The following INPPL1 variants were observed in gnomAD, a reference collection of about 807,000 sequenced individuals.
INPPL1 encodes phosphatidylinositol 3,4,5-trisphosphate 5-phosphatase 2.
INPPL1 carries 91 observed loss-of-function variants against 139.3 expected under a neutral mutation model. The observed-to-expected ratio is 0.65, with a 90% confidence interval of 0.55 to 0.78. The LOEUF (loss-of-function observed/expected upper bound fraction) is 0.78. Ranked by LOEUF, INPPL1 falls within the 30% of genes least tolerant of loss-of-function variation. The probability of loss-of-function intolerance (pLI) is 0.00; values close to 1 mark genes in which losing one functional copy is unlikely to be tolerated. For missense variants in INPPL1, 1,411 were observed against 1,665.6 expected (o/e 0.85, Z 2.66); for synonymous variants, 719 against 686.6 (o/e 1.05, Z -0.74).
intron 10 of INPPL1, 116 bp downstream of exon 10, chr11:72,230,584 G>GACCTACCCCTGCCAGGA: frequency 9.3e-7 from 1 of 1,072,248 alleles, no homozygotes; most frequent in Non-Finnish European, 1.4e-6. Context: ...CCTCCTGGCA[G>GACCTACCCCTGCCAGGA]GGGTAGGTCT....
rs747210031 is a variant in INPPL1 at position 72,237,316 on chromosome 11, A to T, written c.3072A>T (p.Pro1024=). 6.2e-7 allele frequency: 1 copy of T among 1,613,738 alleles called. No individual in the cohort carries two copies. The highest frequency in any genetic ancestry group is 1.1e-5 in the South Asian group (1 of 91,056). Residue 1024 remains proline (P), a synonymous_variant, in exon 26 of 28, where the codon CCA becomes CCT. Transcript: ENST00000298229. ...KNKVAITVPA[P]QLGHHRHPRV... is the part of the protein sequence containing the mutation. Reference sequence around the variant, plus strand: ...AAGTGGCCATTACAGTGCCTGCTCCACAGCTTGGGCACCACCGGCACCCTC... The same window carrying T: ...AAGTGGCCATTACAGTGCCTGCTCCTCAGCTTGGGCACCACCGGCACCCTC...
Position 72,224,837 on chromosome 11 carries a change from C to A in INPPL1, c.-148C>A. On this transcript the variant is annotated 5_prime_UTR_variant, in exon 1 of 28. Coordinates refer to ENST00000298229, the MANE Select transcript of INPPL1 (RefSeq NM_001567.4). ...GCGGTGAACGAGGCGGCCTGCGCGG[C>A]GGAGTGCTGAGTCCCGATCCCCGGC... 1 of 373,490 alleles carries A rather than the reference C, an allele frequency of 2.7e-6. No individual in the cohort carries two copies. The highest frequency in any genetic ancestry group is 3.8e-6 in the Non-Finnish European group (1 of 263,654). The allele number at this position is 373,490 out of a possible 1,614,324, so 23.1% of individuals were successfully genotyped here. A position where few individuals can be genotyped will look rare whatever the true frequency, so the allele number is the denominator to read the frequency against.
At chr11:72,233,845 G>A in intron 19 of INPPL1, 101 bp downstream of exon 19, 2 of 911,644 alleles carry the variant, frequency 2.2e-6, no homozygotes, top group Non-Finnish European at 3.6e-6. Flanking sequence ...TGTGTGTGTG[G>A]GTGTGTGTAC....
In INPPL1 at chr11:72,232,337, G is replaced by GTGC; in HGVS notation, c.1712+3_1712+4insCTG. 1 of 1,551,212 alleles carries GTGC rather than the reference G, an allele frequency of 6.4e-7. No homozygotes were observed. Among genetic ancestry groups the GTGC allele is most frequent in the Non-Finnish European group, 8.7e-7 (1 of 1,146,566 alleles). ...CCTCGGGAAATGAGAAGACGGCTCG[G>GTGC]TGAGGGGGCGCCTTTCCCATGGTCT... On this transcript the variant is annotated splice_donor_variant, in intron 14 of 27. Coordinates refer to ENST00000298229, the MANE Select transcript of INPPL1 (RefSeq NM_001567.4). LOFTEE classifies it high-confidence loss of function.
chr11:72,230,284 C>T lies in INPPL1; in HGVS notation c.1090+13C>T, dbSNP rs2135427129. 6.2e-7 allele frequency: 1 copy of T among 1,609,296 alleles called. No homozygotes were observed. Among genetic ancestry groups the T allele is most frequent in the East Asian group, 2.2e-5 (1 of 44,792 alleles). ...ACGCACGACCGCAGTGAGCCAGGGC[C>T]AGACCTGGGAGGGGTGGGCAGGGCG... On this transcript the variant is annotated intron_variant, in intron 9 of 27. Transcript: ENST00000298229.
Position 72,235,090 on chromosome 11 carries a change from C to T in INPPL1, c.2416-26C>T, listed in dbSNP as rs778946056. On this transcript the variant is annotated intron_variant, in intron 21 of 27. Transcript: ENST00000298229. This position sits in a 1 kb window ranked among gnomAD's most constrained non-coding sequence, Gnocchi z 4.9. ...CAGGAGGAAGTGGCGGGGCTTTGTT[C>T]CTCACTGGGCCTCCCTGCTTCCCAG... 3 of 1,590,190 alleles carry T rather than the reference C, an allele frequency of 1.9e-6. No homozygotes were observed. Among genetic ancestry groups the T allele is most frequent in the South Asian group, 1.1e-5 (1 of 88,684 alleles).
Position 72,238,103 on chromosome 11 carries a change from TGC to T in INPPL1, c.3616_3617del (p.Arg1206GlyfsTer8). The T allele has an allele frequency of 1.3e-6, 2 of 1,583,820 alleles. No individual in the cohort carries two copies. The highest frequency in any genetic ancestry group is 1.7e-6 in the Non-Finnish European group (2 of 1,164,562). ...GGCGAGGCAGGCATGAGTGCCTGGCTGCGGGCCATCGGCTTGGAGCGCTATGA... is the reference window on the plus strand; with the variant it reads ...GGCGAGGCAGGCATGAGTGCCTGGCTGGGCCATCGGCTTGGAGCGCTATGA... On this transcript the variant is annotated frameshift_variant, in exon 27 of 28. Coordinates refer to ENST00000298229, the MANE Select transcript of INPPL1 (RefSeq NM_001567.4). LOFTEE classifies it high-confidence loss of function.
Position 72,228,874 on chromosome 11 carries a change from C to A in INPPL1, c.518+27C>A. The A allele has an allele frequency of 6.4e-7, 1 of 1,556,464 alleles. No individual in the cohort carries two copies. The highest frequency in any genetic ancestry group is 2.2e-5 in the East Asian group (1 of 44,556). On this transcript the variant is annotated intron_variant, in intron 4 of 27. Coordinates refer to ENST00000298229, the MANE Select transcript of INPPL1 (RefSeq NM_001567.4). The surrounding 1 kb of genome is among the most constrained non-coding windows in gnomAD (Gnocchi z 5.0). ...TGAGACCCCCATCCCATCCACTGAA[C>A]AGGAGACCCTTTCTCCTCTGAGAAC...
chr11:72,230,504 C>CG (rs1948802561), intron 10 of INPPL1, 36 bp downstream of exon 10: 2 of 1,586,638 alleles, frequency 1.3e-6, no homozygotes, highest in Non-Finnish European at 1.7e-6. Context: ...CTGGGGACTG[C>CG]GGGGGTCCCC....
At position 72,231,027 on chromosome 11, in the gene INPPL1, G is replaced by C; in HGVS notation, c.1335G>C (p.Trp445Cys). ...CACCTCCAAAAAACGTGACATCCTG[G>C]TTCACATCGAAGGGTCTGGGGAAGA... The part of the protein sequence containing the change: ...SVPPPKNVTS[W>C]FTSKGLGKTL... The change falls in exon 12 of 28, where the codon TGG (tryptophan) becomes TGC (cysteine). Residue 445 changes from tryptophan to cysteine, a missense_variant. Transcript: ENST00000298229. 6.2e-7 allele frequency: 1 copy of C among 1,613,994 alleles called. No individual in the cohort carries two copies. Among genetic ancestry groups the C allele is most frequent in the Non-Finnish European group, 8.5e-7 (1 of 1,179,968 alleles).
At chr11:72,233,225 G>C in intron 17 of INPPL1, 62 bp downstream of exon 17, 1 of 1,475,532 alleles carries the variant, frequency 6.8e-7, no homozygotes, top group South Asian at 1.2e-5. Context: ...TCAAGAATTT[G>C]GGTCAAGGGT....
intron 1 of INPPL1, chr11:72,225,405 C>T (rs1948642631): frequency 4.1e-6 from 4 of 985,266 alleles, no homozygotes; most frequent in African/African-American, 1.7e-5. Context: ...GGTTCTGTGG[C>T]CCAGTGTGAC....
chr11:72,230,439 C>G lies in INPPL1; in HGVS notation c.1168C>G (p.Arg390Gly). The change falls in exon 10 of 28, where the codon CGC becomes GGC. Residue 390 changes from arginine (R) to glycine (G), a missense_variant. Physicochemically the swap from Arg to Gly is moderately radical, Grantham distance 125 (BLOSUM62 -2). This residue lies in a region of INPPL1 where 504 missense variants were observed against 595.6 expected (regional missense o/e 0.85). Transcript: ENST00000298229. ...VFEKEKDRTQ[R>G]KDFIFVSARK... ...TGAGAAGGAGAAGGACCGGACTCAG[C>G]GCAAGGACTTCATCTTTGTCAGTGC... is the stretch of plus-strand genomic sequence containing the variant. 6.2e-7 allele frequency: 1 copy of G among 1,613,994 alleles called. No homozygotes were observed.
chr11:72,233,504 A>G lies in INPPL1; in HGVS notation c.2104A>G (p.Ile702Val), dbSNP rs1948894581. The G allele has an allele frequency of 5.6e-6, 9 of 1,614,002 alleles. No individual in the cohort carries two copies. Among genetic ancestry groups the G allele is most frequent in the Non-Finnish European group, 7.6e-6 (9 of 1,179,996 alleles). ...GTGGAAATCCTACCCTGAAACTCAC[A>G]TCATCTGCAATTCTTATGGTCAGAG... Reference protein sequence around the residue: ...ILWKSYPETHIICNSYGCTDD... With the variant: ...ILWKSYPETHVICNSYGCTDD... Residue 702 changes from isoleucine to valine, a missense_variant, in exon 18 of 28, where the codon ATC becomes GTC. Physicochemically the swap from Ile to Val is conservative, Grantham distance 29. Around this residue, in one of 5 missense-constraint regions of INPPL1, gnomAD observed 363 missense variants for 446.2 expected, o/e 0.81. Transcript: ENST00000298229.
rs368570127 is a variant in INPPL1, at chr11:72,237,437, C to T, written c.3193C>T (p.Leu1065=). The part of the protein sequence containing the change: ...PPPLPDSAIF[L]PPSLDPLPGP... Reference sequence around the variant, plus strand: ...ACCACTGCCGGACTCAGCCATCTTCCTGCCCCCCAGCCTGGATCCTTTACC... The same window carrying T: ...ACCACTGCCGGACTCAGCCATCTTCTTGCCCCCCAGCCTGGATCCTTTACC... The change falls in exon 26 of 28, where the codon CTG becomes TTG. Residue 1065 remains leucine, a synonymous_variant. Transcript: ENST00000298229. The T allele has an allele frequency of 1.4e-5, 23 of 1,610,858 alleles. No individual in the cohort carries two copies. In the African/African-American group the frequency reaches 2.0e-4, roughly 14 times the overall value.
Position 72,238,979 on chromosome 11 carries a change from A to C in INPPL1, c.*626A>C, listed in dbSNP as rs543154415. ...CTGTGCTGCCCTGCTCTGGGGATGC[A>C]CGGCGGCAGGGTGGGGGAGGGAGGT... On this transcript the variant is annotated 3_prime_UTR_variant, in exon 28 of 28. Transcript: ENST00000298229. The C allele has an allele frequency of 6.6e-6, 1 of 152,468 alleles. No individual in the cohort carries two copies. Among genetic ancestry groups the C allele is most frequent in the South Asian group, 2.1e-4 (1 of 4,822 alleles). 9.4% of individuals were successfully genotyped at this position (152,468 alleles called of 1,614,324 possible).
At position 72,237,713 on chromosome 11, in the gene INPPL1, G is replaced by A. The variant is rs765593407; in HGVS notation, c.3469G>A (p.Gly1157Arg). 9.3e-6 allele frequency: 15 copies of A among 1,611,716 alleles called. No homozygotes were observed. The highest frequency in any genetic ancestry group is 1.7e-5 in the Admixed American group (1 of 59,832). Residue 1157 changes from glycine to arginine, a missense_variant, in exon 26 of 28, where the codon GGA (glycine) becomes AGA (arginine). By Grantham distance (125) the Gly-to-Arg change is moderately radical. Around this residue, in one of 5 missense-constraint regions of INPPL1, gnomAD observed 438 missense variants for 425.7 expected, o/e 1.03. Coordinates refer to ENST00000298229, the MANE Select transcript of INPPL1 (RefSeq NM_001567.4). ...PGPLELQPPRGLPSDYGRPLS... is the reference protein window; with the variant it reads ...PGPLELQPPRRLPSDYGRPLS... Reference sequence around the variant, plus strand: ...CCCCCTGGAGCTGCAGCCCCCCCGGGGACTGCCCTCGGACTATGGCCGGCC... The same window carrying A: ...CCCCCTGGAGCTGCAGCCCCCCCGGAGACTGCCCTCGGACTATGGCCGGCC...
Position 72,231,488 on chromosome 11 carries a change from C to T in INPPL1, c.1498-10C>T. ...AGCAGGGCAGTGGTGACCATGCACT[C>T]TCTACCCAGATTGCCATGCAATCAC... On this transcript the variant is annotated splice_polypyrimidine_tract_variant and intron_variant, in intron 12 of 27. Transcript: ENST00000298229. 1 of 1,603,614 alleles carries T rather than the reference C, an allele frequency of 6.2e-7. No individual in the cohort carries two copies. The highest frequency in any genetic ancestry group is 8.5e-7 in the Non-Finnish European group (1 of 1,170,778).
At chr11:72,237,879 C>T in intron 26 of INPPL1, 83 bp downstream of exon 26, 2 of 1,481,362 alleles carry the variant, frequency 1.4e-6, no homozygotes, top group African/African-American at 1.4e-5. Context: ...CCATTCAGCA[C>T]TCATGGTGTC....
Sources: gnomAD v4.1 joint callset for allele counts on GRCh38, gnomAD v4.1.1 for gene constraint, gnomAD v4.1.1 regional missense constraint, Gnocchi (gnomAD v3.1) non-coding constraint, MANE v1.5 for transcripts, NCBI Gene and HGNC (gene_info 2026-07-23, HGNC 2026-07-21) for gene names.